Variants in SH3BGR observed in about 807,000 individuals in gnomAD.
The protein encoded by SH3BGR is SH3 domain-binding glutamic acid-rich protein.
In SH3BGR, 29 loss-of-function variants were observed where a neutral mutation model predicts 24.5. That is an observed-to-expected ratio of 1.18 (90% confidence interval 0.88 to 1.61). The LOEUF (loss-of-function observed/expected upper bound fraction) is 1.61. Among genes scored for constraint, SH3BGR ranks in the 40% most tolerant of loss-of-function variants. The probability of loss-of-function intolerance (pLI) is 0.00; values close to 1 mark genes in which losing one functional copy is unlikely to be tolerated. For missense variants in SH3BGR, 162 were observed against 205.8 expected (o/e 0.79, Z 1.30); for synonymous variants, 55 against 65.7 (o/e 0.84, Z 0.79).
chr21:39,497,363 C>T (rs1569170429), intron 3 of SH3BGR, among the ~76,000 whole-genome samples: 1 of 151,260 alleles, frequency 6.6e-6, no homozygotes, highest in African/African-American at 2.4e-5. Context: ...ACATTATATG[C>T]TAAATTAAAT....
rs747230207 is a variant in SH3BGR, at chr21:39,473,556, A to G, written c.232-1579A>G. Among the ~76,000 whole-genome samples the G allele has an allele frequency of 7.0e-4, 107 of 152,164 alleles. 1 individual carries two copies. Among genetic ancestry groups the G allele is most frequent in the Non-Finnish European group, 2.6e-4 (18 of 68,026 alleles). ...AATTAATCACTGAGAGACTTGAGGC[A>G]ATGGATAGGAAAACAATAAAGCTTT... On this transcript the variant is annotated intron_variant, in intron 2 of 6. Coordinates refer to ENST00000333634, the MANE Select transcript of SH3BGR (RefSeq NM_007341.3).
At chr21:39,472,387 C>CT (rs1344471891) in intron 2 of SH3BGR, among the ~76,000 whole-genome samples, 1 of 152,176 alleles carries the variant, frequency 6.6e-6, no homozygotes. Context: ...GGGTGGTCCC[C>CT]TTATGGCCTC....
chr21:39,458,534 C>T (rs552241420), intron 1 of SH3BGR, among the ~76,000 whole-genome samples: 3 of 151,884 alleles, frequency 2.0e-5, no homozygotes, highest in Non-Finnish European at 4.4e-5. Context: ...GACAAGGTTT[C>T]GCCATGTTGG....
chr21:39,459,680 C>T (rs7279261), intron 1 of SH3BGR, among the ~76,000 whole-genome samples: 9 of 152,084 alleles, frequency 5.9e-5, no homozygotes, highest in Admixed American at 3.3e-4. Flanking sequence ...GCATGCACCA[C>T]CACACCTGTC....
intron 3 of SH3BGR, among the ~76,000 whole-genome samples, chr21:39,489,322 C>T (rs1729727989): frequency 1.3e-5 from 2 of 152,146 alleles, no homozygotes; most frequent in African/African-American, 4.8e-5. Flanking sequence ...TGGGAGAATC[C>T]CTGAAAGGTT....
chr21:39,466,900 A>ATT (rs56388428), intron 2 of SH3BGR, among the ~76,000 whole-genome samples: 19,392 of 150,122 alleles, frequency 0.13, 1,564 homozygotes, highest in South Asian at 0.17. Flanking sequence ...TTCAAAAGGG[A>ATT]TTTTTTTTTT....
At chr21:39,479,425 G>A (rs1448179711) in intron 3 of SH3BGR, among the ~76,000 whole-genome samples, 1 of 148,986 alleles carries the variant, frequency 6.7e-6, no homozygotes, top group Non-Finnish European at 1.5e-5. Context: ...TAGTGGTGGT[G>A]AGGTGGGTGA....
intron 2 of SH3BGR, among the ~76,000 whole-genome samples, chr21:39,470,330 C>T (rs2077917351): frequency 6.6e-6 from 1 of 151,954 alleles, no homozygotes; most frequent in South Asian, 2.1e-4. Context: ...GCAGTCTTGG[C>T]TCACTGCAGC....
chr21:39,474,678 G>T (rs1293870679), intron 2 of SH3BGR, among the ~76,000 whole-genome samples: 2 of 152,042 alleles, frequency 1.3e-5, no homozygotes, highest in Non-Finnish European at 2.9e-5. Flanking sequence ...ATGGTCTTGT[G>T]CCTGTTCGTA....
intron 1 of SH3BGR, among the ~76,000 whole-genome samples, chr21:39,452,613 T>A (rs2077592237): frequency 1.3e-5 from 2 of 152,156 alleles, no homozygotes; most frequent in South Asian, 2.1e-4. Context: ...ATACTGAAAG[T>A]GTAAAGTTAG....
chr21:39,477,347 G>A (rs1465164502), intron 3 of SH3BGR, among the ~76,000 whole-genome samples: 1 of 152,040 alleles, frequency 6.6e-6, no homozygotes, highest in Non-Finnish European at 1.5e-5. Flanking sequence ...TGTTGCCCAG[G>A]CTAGTTTTGA....
At chr21:39,449,465 G>T (rs750982387), upstream of SH3BGR, among the ~76,000 whole-genome samples, 61 of 152,176 alleles carry the variant, frequency 4.0e-4, no homozygotes, top group Non-Finnish European at 7.5e-4. Context: ...AGTGGATTTT[G>T]TAAGTCAGGG....
At chr21:39,509,471 G>GTTTTTTTTTT (rs560071613) in intron 5 of SH3BGR, among the ~76,000 whole-genome samples, 1 of 103,962 alleles carries the variant, frequency 9.6e-6, no homozygotes, top group African/African-American at 3.7e-5. Context: ...CACTTTTATT[G>GTTTTTTTTTT]TTTTTTTTTT....
rs1402819716 is a variant in SH3BGR, at chr21:39,457,133, CCAT to C, written c.45+4995_45+4997del. ...TTATATACCATATATAATCAAATCA[CCAT>C]CAAGAACAAATTATATATAAATCAT... On this transcript the variant is annotated intron_variant, in intron 1 of 6. Transcript: ENST00000333634. 9.2e-4 allele frequency among the ~76,000 whole-genome samples: 133 copies of C among 145,280 alleles called. 1 individual carries two copies. The highest frequency in any genetic ancestry group is 3.0e-3 in the African/African-American group (121 of 40,074).
chr21:39,481,421 A>G (rs2078129045), intron 3 of SH3BGR, among the ~76,000 whole-genome samples: 2 of 152,242 alleles, frequency 1.3e-5, no homozygotes, highest in South Asian at 4.1e-4. Context: ...ATAGATGTCA[A>G]AGAAAATATA....
At position 39,487,298 on chromosome 21, in the gene SH3BGR, A is replaced by G. The variant is rs540866551; in HGVS notation, c.312+12083A>G. On this transcript the variant is annotated intron_variant, in intron 3 of 6. Coordinates refer to ENST00000333634, the MANE Select transcript of SH3BGR (RefSeq NM_007341.3). ...ACTGGGACCGCAGATATGCACCACC[A>G]TGCCTGGCTAATTTTTGTATTTTTT... 3.3e-5 allele frequency among the ~76,000 whole-genome samples: 5 copies of G among 151,878 alleles called. No individual in the cohort carries two copies. The South Asian group carries it at 8.3e-4, about 25-fold the overall frequency.
intron 4 of SH3BGR, among the ~76,000 whole-genome samples, chr21:39,501,722 G>A (rs915408340): frequency 6.6e-6 from 1 of 152,186 alleles, no homozygotes; most frequent in Admixed American, 6.5e-5. Flanking sequence ...GATGAAAAAT[G>A]TTGTAAAAAC....
chr21:39,498,060 G>T (rs2078428905), intron 3 of SH3BGR, among the ~76,000 whole-genome samples: 1 of 152,184 alleles, frequency 6.6e-6, no homozygotes, highest in Non-Finnish European at 1.5e-5. Flanking sequence ...TAAAAAGAAT[G>T]ATTCAATAGG....
intron 1 of SH3BGR, among the ~76,000 whole-genome samples, chr21:39,461,405 G>A (rs1247588975): frequency 6.6e-6 from 1 of 152,140 alleles, no homozygotes; most frequent in South Asian, 2.1e-4. Context: ...CTAAAGTGCT[G>A]GGACTATAGG....
Sources: allele counts gnomAD v4.1 joint callset (sites outside exome capture counted in the v4.1 genomes callset), GRCh38; gene constraint gnomAD v4.1.1; transcripts MANE v1.5; gene names NCBI Gene and HGNC (gene_info 2026-07-23, HGNC 2026-07-21).